Variants in TNFRSF21 observed in about 807,000 individuals in gnomAD.
The protein encoded by TNFRSF21 is TNF receptor superfamily member 21.
TNFRSF21 carries 19 observed loss-of-function variants against 45.6 expected under a neutral mutation model. That is an observed-to-expected ratio of 0.42 (90% CI 0.29 to 0.61). The LOEUF is 0.61. Ranked by LOEUF, TNFRSF21 falls within the 20% of genes least tolerant of loss-of-function variation. TNFRSF21 has a pLI of 0.23. For missense variants in TNFRSF21, 737 were observed against 851.5 expected, an observed-to-expected ratio of 0.87 and a Z score of 1.67; for synonymous variants, 314 against 335.5, an observed-to-expected ratio of 0.94 and a Z score of 0.70.
In TNFRSF21 at chr6:47,232,646, C is replaced by T; in HGVS notation, c.*119G>A. 1 of 802,434 alleles carries T rather than the reference C, an allele frequency of 1.2e-6. No individual in the cohort carries two copies. The highest frequency in any genetic ancestry group is 2.0e-6 in the Non-Finnish European group (1 of 494,412). The allele number at this position is 802,434 out of a possible 1,614,324, so 49.7% of individuals were successfully genotyped here. A position where few individuals can be genotyped will look rare whatever the true frequency, so the allele number is the denominator to read the frequency against. ...TTAAACACACACACACACACACACA[C>T]ACACACACACACAAACACACACACA... On this transcript the variant is annotated 3_prime_UTR_variant, in exon 6 of 6. Coordinates refer to ENST00000296861, the MANE Select transcript of TNFRSF21 (RefSeq NM_014452.5).
chr6:47,258,397 GGTT>G (rs1765020387), intron 3 of TNFRSF21, among the ~76,000 whole-genome samples: 1 of 124,538 alleles, frequency 8.0e-6, no homozygotes, highest in Non-Finnish European at 1.6e-5. Context: ...AAGTAATTGT[GGTT>G]TTTTTTTTTT....
At chr6:47,280,246 C>T (rs1762549419) in intron 3 of TNFRSF21, among the ~76,000 whole-genome samples, 1 of 152,130 alleles carries the variant, frequency 6.6e-6, no homozygotes, top group East Asian at 1.9e-4. Flanking sequence ...CATTTCCCTC[C>T]CACCTTATCC....
intron 3 of TNFRSF21, among the ~76,000 whole-genome samples, chr6:47,264,908 C>A (rs1762311004): frequency 6.6e-6 from 1 of 152,176 alleles, no homozygotes; most frequent in South Asian, 2.1e-4. Context: ...AAGGGAATAA[C>A]CTGCTCCCTT....
At position 47,309,622 on chromosome 6, in the gene TNFRSF21, C is replaced by T. The variant is rs1762989530; in HGVS notation, c.-111G>A. On this transcript the variant is annotated 5_prime_UTR_variant, in exon 1 of 6. It removes the in-frame stop codon of an upstream open reading frame in the 5' UTR. Transcript: ENST00000296861. The stretch of plus-strand genomic sequence containing the variant: ...GCCGCCTCCCGGGCCGGGAGCCCAT[C>T]TACCTCCAACACCCCATGTGCACTG... 7.4e-7 allele frequency: 1 copy of T among 1,346,722 alleles called. No individual in the cohort carries two copies. Among genetic ancestry groups the T allele is most frequent in the Non-Finnish European group, 9.5e-7 (1 of 1,050,884 alleles). The allele number at this position is 1,346,722 out of a possible 1,614,324, so 83.4% of individuals were successfully genotyped here. A position where few individuals can be genotyped will look rare whatever the true frequency, so the allele number is the denominator to read the frequency against.
chr6:47,276,109 T>TA (rs1762493613), intron 3 of TNFRSF21, among the ~76,000 whole-genome samples: 1 of 152,196 alleles, frequency 6.6e-6, no homozygotes, highest in Admixed American at 6.5e-5. Context: ...TCCAGCCTTT[T>TA]AGTAGCTGAA....
At chr6:47,275,984 C>G (rs540823044) in intron 3 of TNFRSF21, among the ~76,000 whole-genome samples, 41 of 152,266 alleles carry the variant, frequency 2.7e-4, no homozygotes, top group Non-Finnish European at 5.1e-4. Flanking sequence ...AGGTAAGGCA[C>G]AGATAAATTG....
At chr6:47,308,871 C>A (rs1305279793) in intron 1 of TNFRSF21, among the ~76,000 whole-genome samples, 1 of 152,246 alleles carries the variant, frequency 6.6e-6, no homozygotes, top group Non-Finnish European at 1.5e-5. Flanking sequence ...TTGCGCCCTG[C>A]TCGGGAATGC....
intron 4 of TNFRSF21, among the ~76,000 whole-genome samples, chr6:47,243,236 A>T (rs546484984): frequency 1.3e-5 from 2 of 152,290 alleles, no homozygotes; most frequent in Non-Finnish European, 2.9e-5. Context: ...CCGTGGTGGT[A>T]ACTACTGTTA....
intron 3 of TNFRSF21, among the ~76,000 whole-genome samples, chr6:47,255,159 C>T (rs1461343126): frequency 6.6e-6 from 1 of 152,216 alleles, no homozygotes; most frequent in Non-Finnish European, 1.5e-5. Context: ...GAGTGTGCAT[C>T]TGTGGTCCCC....
intron 3 of TNFRSF21, among the ~76,000 whole-genome samples, chr6:47,267,363 G>C (rs2113856235): frequency 6.6e-6 from 1 of 152,238 alleles, no homozygotes; most frequent in East Asian, 1.9e-4. Context: ...GCCTCCCAAA[G>C]TGCTGAGATT....
Position 47,309,673 on chromosome 6 carries a change from G to T in TNFRSF21, c.-162C>A. On this transcript the variant is annotated 5_prime_UTR_variant, in exon 1 of 6. Transcript: ENST00000296861. ...CTGCGGCCGGGCAGAGGAGGGAGGC[G>T]GCAAGGGAGGCTCTAGGGGCGCTCA... 9.1e-7 allele frequency: 1 copy of T among 1,097,802 alleles called. No individual in the cohort carries two copies. Among genetic ancestry groups the T allele is most frequent in the African/African-American group, 1.7e-5 (1 of 60,264 alleles). 68.0% of individuals were successfully genotyped at this position (1,097,802 alleles called of 1,614,324 possible). A position where few individuals can be genotyped will look rare whatever the true frequency, so the allele number is the denominator to read the frequency against.
intron 1 of TNFRSF21, among the ~76,000 whole-genome samples, chr6:47,289,295 T>G (rs1342288880): frequency 1.3e-5 from 2 of 152,190 alleles, no homozygotes; most frequent in Non-Finnish European, 2.9e-5. Context: ...CCTTGACACT[T>G]AATTCAAGGT....
intron 4 of TNFRSF21, among the ~76,000 whole-genome samples, chr6:47,245,445 T>C (rs1177980339): frequency 6.9e-6 from 1 of 144,432 alleles, no homozygotes; most frequent in Non-Finnish European, 1.5e-5. Context: ...TGTGTGTGTG[T>C]GTGTGTGTGT....
intron 4 of TNFRSF21, among the ~76,000 whole-genome samples, chr6:47,240,405 C>T (rs1056558184): frequency 3.6e-4 from 55 of 152,282 alleles, no homozygotes; most frequent in Admixed American, 1.6e-3. Context: ...CAATACTGTG[C>T]TAGGTGATTC....
chr6:47,279,477 T>C (rs563219330), intron 3 of TNFRSF21, among the ~76,000 whole-genome samples: 1 of 152,232 alleles, frequency 6.6e-6, no homozygotes, highest in South Asian at 2.1e-4. Context: ...GTGCAATGTA[T>C]GGCCAATTGT....
chr6:47,233,113 T>A, intron 5 of TNFRSF21, 119 bp from the exon 6 acceptor site: 2 of 813,686 alleles, frequency 2.5e-6, no homozygotes. Flanking sequence ...CCTATTATTC[T>A]CCATCCTCCA....
At chr6:47,276,721 A>C (rs1762502027) in intron 3 of TNFRSF21, among the ~76,000 whole-genome samples, 1 of 152,246 alleles carries the variant, frequency 6.6e-6, no homozygotes, top group African/African-American at 2.4e-5. Flanking sequence ...AGATTCTCTT[A>C]AAATATCTCC....
intron 5 of TNFRSF21, among the ~76,000 whole-genome samples, chr6:47,234,369 C>T (rs1764631090): frequency 6.6e-6 from 1 of 152,210 alleles, no homozygotes; most frequent in Non-Finnish European, 1.5e-5. Context: ...TCTTGCCAGA[C>T]TACATTTTAT....
At chr6:47,237,602 A>C (rs528349244) in intron 4 of TNFRSF21, among the ~76,000 whole-genome samples, 10 of 152,242 alleles carry the variant, frequency 6.6e-5, no homozygotes, top group Non-Finnish European at 1.5e-4. Context: ...TCTTATAAAA[A>C]CTTTGAGCAT....
Sources: gnomAD v4.1 joint callset for allele counts (sites outside exome capture counted in the v4.1 genomes callset) on GRCh38, gnomAD v4.1.1 for gene constraint, MANE v1.5 for transcripts, NCBI Gene and HGNC (gene_info 2026-07-23, HGNC 2026-07-21) for gene names.